Variants in METTL8 observed in about 807,000 individuals in gnomAD.
METTL8 encodes methyltransferase 8, tRNA N3-cytidine.
In METTL8, 32 loss-of-function variants were observed where a neutral mutation model predicts 48.7. The observed-to-expected ratio is 0.66, with a 90% CI of 0.50 to 0.88. The LOEUF is 0.88. METTL8 is among the 40% of genes least tolerant of loss of function. The pLI is 0.00. For missense variants in METTL8, 464 were observed against 474.4 expected, an observed-to-expected ratio of 0.98 and a Z score of 0.20; for synonymous variants, 136 against 157.1, an observed-to-expected ratio of 0.87 and a Z score of 1.01.
chr2:171,424,480 C>T (rs914352298), intron 1 of METTL8, among the ~76,000 whole-genome samples: 3 of 152,218 alleles, frequency 2.0e-5, no homozygotes, highest in Non-Finnish European at 4.4e-5. Context: ...TGTGGAGCTG[C>T]CCAAGGCCAT....
intron 2 of METTL8, among the ~76,000 whole-genome samples, chr2:171,368,970 A>T (rs1686008951): frequency 6.6e-6 from 1 of 152,248 alleles, no homozygotes; most frequent in African/African-American, 2.4e-5. Context: ...ATTTAGTGTA[A>T]TATCAAAAAA....
At chr2:171,337,375 G>A (rs918872625) in intron 5 of METTL8, 78 bp downstream of exon 5, 24 of 1,076,632 alleles carry the variant, frequency 2.2e-5, no homozygotes, top group South Asian at 1.1e-4. Flanking sequence ...TGGCATACAC[G>A]TGACAATATT....
chr2:171,412,749 C>T (rs908896871), intron 1 of METTL8, among the ~76,000 whole-genome samples: 1 of 150,646 alleles, frequency 6.6e-6, no homozygotes, highest in African/African-American at 2.4e-5. Flanking sequence ...GGCAGTTTCA[C>T]GTAAGCATTT....
chr2:171,328,644 G>A (rs1685204424), intron 7 of METTL8, among the ~76,000 whole-genome samples: 1 of 152,136 alleles, frequency 6.6e-6, no homozygotes, highest in Non-Finnish European at 1.5e-5. Context: ...CAGAGTAGCT[G>A]GGATTACAGG....
intron 3 of METTL8, among the ~76,000 whole-genome samples, chr2:171,356,952 A>ATGCTTTTTTTTTTTTTTT: frequency 1.3e-5 from 1 of 78,468 alleles, no homozygotes; most frequent in Non-Finnish European, 2.4e-5. Flanking sequence ...CAAAGACAAT[A>ATGCTTTTTTTTTTTTTTT]TTTTTTTTTT....
chr2:171,333,098 T>C (rs1685717213), intron 5 of METTL8, among the ~76,000 whole-genome samples: 1 of 128,264 alleles, frequency 7.8e-6, no homozygotes. Flanking sequence ...TTTTTTTCTT[T>C]TCTTTTTTTT....
intron 1 of METTL8, among the ~76,000 whole-genome samples, chr2:171,394,104 G>A (rs1356798974): frequency 1.3e-5 from 2 of 152,130 alleles, no homozygotes; most frequent in African/African-American, 4.8e-5. Context: ...TTACCCTGAT[G>A]TGCCTTTGTT....
intron 2 of METTL8, among the ~76,000 whole-genome samples, chr2:171,373,981 G>A (rs1051996017): frequency 6.6e-5 from 10 of 152,022 alleles, no homozygotes; most frequent in Non-Finnish European, 1.3e-4. Context: ...TTGGTTCCAT[G>A]TGAACTTTAA....
At chr2:171,355,509 G>A (rs1467410271) in intron 3 of METTL8, among the ~76,000 whole-genome samples, 8 of 152,196 alleles carry the variant, frequency 5.3e-5, no homozygotes, top group Non-Finnish European at 2.9e-5. Context: ...AGACAGCGAC[G>A]ATTAAGTCTG....
chr2:171,428,038 T>C (rs1297419341), intron 1 of METTL8, among the ~76,000 whole-genome samples: 1 of 152,246 alleles, frequency 6.6e-6, no homozygotes, highest in African/African-American at 2.4e-5. Context: ...TTTTATTAAC[T>C]TTTGAATTAA....
intron 7 of METTL8, chr2:171,326,373 C>T (rs1213159120): frequency 1.0e-4 from 48 of 463,108 alleles, no homozygotes; most frequent in Non-Finnish European, 1.7e-4. Context: ...CAAGAAATCA[C>T]CCAAATGATC....
rs539444593 is a variant in METTL8, at chr2:171,350,324, G to A, written c.235+10098C>T. 1.1e-4 allele frequency among the ~76,000 whole-genome samples: 16 copies of A among 152,236 alleles called. 1 individual carries two copies. In the South Asian group the frequency reaches 1.5e-3, roughly 14 times the overall value. ...TTTTTATAGCTGCATAGTATTCCAC[G>A]GTGTATATGTGCCACATTTTCTTCA... On this transcript the variant is annotated intron_variant, in intron 3 of 9. Transcript: ENST00000375258.
intron 4 of METTL8, among the ~76,000 whole-genome samples, chr2:171,338,252 TAC>T (rs1686323603): frequency 6.6e-6 from 1 of 152,174 alleles, no homozygotes; most frequent in African/African-American, 2.4e-5. Context: ...TCAAAATATT[TAC>T]AGAGAATTTT....
intron 1 of METTL8, among the ~76,000 whole-genome samples, chr2:171,432,465 GA>G (rs1456514856): frequency 1.8e-4 from 27 of 152,256 alleles, no homozygotes; most frequent in African/African-American, 6.5e-4. Flanking sequence ...GGGCAAAGAG[GA>G]AAGAGAAATG....
chr2:171,363,811 T>C (rs1685432293), intron 2 of METTL8, among the ~76,000 whole-genome samples: 1 of 138,838 alleles, frequency 7.2e-6, no homozygotes, highest in Non-Finnish European at 1.6e-5. Flanking sequence ...TATATATATA[T>C]ATATCTTTTT....
rs78076386 is a variant in METTL8 at position 171,427,202 on chromosome 2, A to C, written c.-13+6681T>G. ...AGAAGTCCTATCAACTCTACTTCCA[A>C]AATACATCTTGAATCTTGTTCACTT... is the stretch of plus-strand genomic sequence containing the variant. On this transcript the variant is annotated intron_variant, in intron 1 of 9. Transcript: ENST00000375258. Among the ~76,000 whole-genome samples, 1,250 of 152,228 alleles carry C rather than the reference A, an allele frequency of 8.2e-3. 9 individuals are homozygous for C. The highest frequency in any genetic ancestry group is 0.012 in the Non-Finnish European group (812 of 68,014).
chr2:171,426,353 G>A (rs953292363), intron 1 of METTL8, among the ~76,000 whole-genome samples: 1 of 152,084 alleles, frequency 6.6e-6, no homozygotes, highest in African/African-American at 2.4e-5. Flanking sequence ...TATATAATAT[G>A]AATGATGTTC....
upstream of METTL8, chr2:171,434,332 A>C (rs1053560057): frequency 1.4e-6 from 1 of 690,578 alleles, no homozygotes; most frequent in African/African-American, 1.8e-5. Flanking sequence ...GCGGCCAGAG[A>C]GCCTGGGGCA....
rs1274528678 is a variant in METTL8, at chr2:171,321,770, T to C, written c.*2402A>G. 1 of 152,196 alleles carries C rather than the reference T, an allele frequency of 6.6e-6. No individual in the cohort carries two copies. The highest frequency in any genetic ancestry group is 1.9e-4 in the East Asian group (1 of 5,202). The allele number at this position is 152,196 out of a possible 1,614,324, so 9.4% of individuals were successfully genotyped here. A position where few individuals can be genotyped will look rare whatever the true frequency, so the allele number is the denominator to read the frequency against. On this transcript the variant is annotated 3_prime_UTR_variant, in exon 10 of 10. Coordinates refer to ENST00000375258, the MANE Select transcript of METTL8 (RefSeq NM_001321154.2). ...TTTTGTTTTGCCAGCTGTACTCTAT[T>C]TATGCTCCCTGAAGAGCATAAACAA...
Sources: gnomAD v4.1 joint callset for allele counts (sites outside exome capture counted in the v4.1 genomes callset) on GRCh38, gnomAD v4.1.1 for gene constraint, MANE v1.5 for transcripts, NCBI Gene and HGNC (gene_info 2026-07-23, HGNC 2026-07-21) for gene names.